Variants in ADAMTS19 observed in about 807,000 individuals in gnomAD.
ADAMTS19 encodes ADAM metallopeptidase with thrombospondin type 1 motif 19.
ADAMTS19 carries 93 observed loss-of-function variants against 153.3 expected under a neutral mutation model. That is an observed-to-expected ratio of 0.61 (90% CI 0.51 to 0.72). The LOEUF is 0.72. Ranked by LOEUF, ADAMTS19 falls within the 30% of genes least tolerant of loss-of-function variation. ADAMTS19 has a pLI of 0.00. For synonymous variants in ADAMTS19, 600 were observed against 556.6 expected, an observed-to-expected ratio of 1.08 and a Z score of -1.10; for missense variants, 1,482 against 1,552.1, an observed-to-expected ratio of 0.95 and a Z score of 0.76.
At chr5:129,695,680 G>C (rs1436098012) in intron 19 of ADAMTS19, among the ~76,000 whole-genome samples, 1 of 152,140 alleles carries the variant, frequency 6.6e-6, no homozygotes, top group Non-Finnish European at 1.5e-5. Context: ...ACTCAGCCCT[G>C]GTGTCCAAAA....
chr5:129,524,028 A>T (rs1253606347), intron 3 of ADAMTS19, among the ~76,000 whole-genome samples: 2 of 152,168 alleles, frequency 1.3e-5, no homozygotes, highest in African/African-American at 2.4e-5. Flanking sequence ...AAAAGAAAAA[A>T]GCTGGGGGCA....
chr5:129,693,129 G>A lies in ADAMTS19; in HGVS notation c.2819-1591G>A, dbSNP rs991424575. 3.9e-5 allele frequency among the ~76,000 whole-genome samples: 6 copies of A among 152,060 alleles called. No homozygotes were observed. The East Asian group carries it at 7.7e-4, about 20-fold the overall frequency. The stretch of plus-strand genomic sequence containing the variant: ...GTTATGTTTTTATACTACAAATTGC[G>A]GTAGGACTATGCTCAGAGCTATTGA... On this transcript the variant is annotated intron_variant, in intron 18 of 22. Coordinates refer to ENST00000274487, the MANE Select transcript of ADAMTS19 (RefSeq NM_133638.6).
At chr5:129,652,584 C>T (rs1753365511) in intron 13 of ADAMTS19, among the ~76,000 whole-genome samples, 1 of 152,200 alleles carries the variant, frequency 6.6e-6, no homozygotes, top group African/African-American at 2.4e-5. Flanking sequence ...TACAGTGTCA[C>T]AGCCTTGAGG....
intron 6 of ADAMTS19, among the ~76,000 whole-genome samples, chr5:129,548,550 A>C (rs1338883947): frequency 6.6e-6 from 1 of 151,618 alleles, no homozygotes; most frequent in African/African-American, 2.4e-5. Context: ...GGATGTGGAG[A>C]AATAGGAACA....
chr5:129,488,456 A>G (rs1000666720), intron 2 of ADAMTS19, among the ~76,000 whole-genome samples: 1 of 152,034 alleles, frequency 6.6e-6, no homozygotes, highest in Non-Finnish European at 1.5e-5. Context: ...TGGTTTTTTC[A>G]AATTGTTGAG....
At chr5:129,563,408 T>G (rs1450492905) in intron 7 of ADAMTS19, among the ~76,000 whole-genome samples, 1 of 152,184 alleles carries the variant, frequency 6.6e-6, no homozygotes, top group African/African-American at 2.4e-5. Flanking sequence ...AGGTTAACTT[T>G]TGTCTACATA....
intron 2 of ADAMTS19, among the ~76,000 whole-genome samples, chr5:129,464,270 C>T (rs1022006392): frequency 6.6e-6 from 1 of 152,194 alleles, no homozygotes; most frequent in African/African-American, 2.4e-5. Flanking sequence ...ACTGAATAGT[C>T]ATAGAACTTC....
At chr5:129,588,554 A>C (rs1749935968) in intron 7 of ADAMTS19, among the ~76,000 whole-genome samples, 2 of 152,036 alleles carry the variant, frequency 1.3e-5, no homozygotes, top group Admixed American at 1.3e-4. Flanking sequence ...TATTGATACT[A>C]GTTTAGAATT....
At position 129,560,056 on chromosome 5, in the gene ADAMTS19, T is replaced by C. The variant is rs141266667; in HGVS notation, c.1372+8149T>C. ...TTTATTTGGTATGAAAATGTCTTAA[T>C]TTTACTTCAATTCTTGAAAGATATT... On this transcript the variant is annotated intron_variant, in intron 7 of 22. Coordinates refer to ENST00000274487, the MANE Select transcript of ADAMTS19 (RefSeq NM_133638.6). Among the ~76,000 whole-genome samples the C allele has an allele frequency of 1.8e-4, 27 of 152,346 alleles. No homozygotes were observed. The East Asian group carries it at 5.0e-3, about 28-fold the overall frequency.
chr5:129,517,441 T>C (rs1751651846), intron 3 of ADAMTS19, among the ~76,000 whole-genome samples: 2 of 151,918 alleles, frequency 1.3e-5, no homozygotes. Flanking sequence ...TCTAATAATG[T>C]TTTCTTTCTT....
chr5:129,620,579 TTAGTG>T (rs745413016), intron 8 of ADAMTS19, 34 bp from the exon 9 acceptor site: 1 of 1,430,762 alleles, frequency 7.0e-7, no homozygotes. Context: ...TAACATTTAC[TTAGTG>T]TAAATTTTAA....
At chr5:129,679,218 T>TA (rs1405521759) in intron 16 of ADAMTS19, among the ~76,000 whole-genome samples, 1 of 152,194 alleles carries the variant, frequency 6.6e-6, no homozygotes, top group Non-Finnish European at 1.5e-5. Context: ...AAACAGATGT[T>TA]AAAAGGTCCT....
In ADAMTS19 at chr5:129,526,439, C is replaced by A; in HGVS notation, c.1069C>A (p.Leu357Ile). The change falls in exon 4 of 23, where the codon CTA becomes ATA. Residue 357 changes from leucine (L) to isoleucine (I), a missense_variant. By Grantham distance (5) the Leu-to-Ile change is conservative. This residue lies in a region of ADAMTS19 where 866 missense variants were observed against 827.7 expected (regional missense o/e 1.05). Transcript: ENST00000274487. ...AGCAGATGCAGCCAGGAGATTCATT[C>A]TAACCATCTTAAATATGGTAGGCAA... The part of the protein sequence containing the change: ...HGADAARRFI[L>I]TILNMVFNLF... 6.3e-7 allele frequency: 1 copy of A among 1,596,174 alleles called. No homozygotes were observed. Among genetic ancestry groups the A allele is most frequent in the Non-Finnish European group, 8.5e-7 (1 of 1,173,420 alleles).
chr5:129,484,337 C>G (rs1750519610), intron 2 of ADAMTS19, among the ~76,000 whole-genome samples: 1 of 152,100 alleles, frequency 6.6e-6, no homozygotes, highest in Non-Finnish European at 1.5e-5. Flanking sequence ...TGTTGAAGCC[C>G]TCAGGGTACT....
rs1751818124 is a variant in ADAMTS19, at chr5:129,622,368, T to C, written c.1770+20T>C. 1.2e-6 allele frequency: 2 copies of C among 1,613,442 alleles called. No homozygotes were observed. Among genetic ancestry groups the C allele is most frequent in the African/African-American group, 2.7e-5 (2 of 74,856 alleles). ...ATGCAGGTAAAGATCCAGGTGGGGA[T>C]TTTGTGCGTTCATTCATTGTTTAGA... On this transcript the variant is annotated intron_variant, in intron 10 of 22. Transcript: ENST00000274487.
At chr5:129,592,204 C>G (rs901447278) in intron 7 of ADAMTS19, among the ~76,000 whole-genome samples, 1 of 151,652 alleles carries the variant, frequency 6.6e-6, no homozygotes, top group East Asian at 1.9e-4. Flanking sequence ...ATGGTGAAAC[C>G]CCATCTCTAC....
intron 11 of ADAMTS19, among the ~76,000 whole-genome samples, chr5:129,645,937 G>A (rs1435435206): frequency 2.4e-5 from 3 of 124,704 alleles, no homozygotes; most frequent in Non-Finnish European, 4.9e-5. Flanking sequence ...CGCCCAGGCT[G>A]GAGTGCAGTG....
chr5:129,495,434 T>C (rs1161236965), intron 2 of ADAMTS19, among the ~76,000 whole-genome samples: 1 of 152,090 alleles, frequency 6.6e-6, no homozygotes, highest in Admixed American at 6.6e-5. Flanking sequence ...CAAATGGTTA[T>C]ACTAACGGGA....
intron 21 of ADAMTS19, among the ~76,000 whole-genome samples, chr5:129,724,948 T>G (rs1309096071): frequency 6.6e-6 from 1 of 152,104 alleles, no homozygotes; most frequent in Non-Finnish European, 1.5e-5. Context: ...CCCTCAATGT[T>G]GAACATATCT....
Sources: gnomAD v4.1 joint callset for allele counts (sites outside exome capture counted in the v4.1 genomes callset) on GRCh38, gnomAD v4.1.1 for gene constraint, gnomAD v4.1.1 regional missense constraint, MANE v1.5 for transcripts, NCBI Gene and HGNC (gene_info 2026-07-23, HGNC 2026-07-21) for gene names.